SLC22A2: variants seen among roughly 807,000 people sequenced by gnomAD.
The protein encoded by SLC22A2 is solute carrier family 22 member 2, also known as organic cation transporter 2.
A neutral mutation model predicts 60.5 loss-of-function variants in SLC22A2; 46 were observed. That is an observed-to-expected ratio of 0.76 (90% confidence interval 0.60 to 0.97). The LOEUF (loss-of-function observed/expected upper bound fraction) is 0.97. SLC22A2 is among the 50% of genes least tolerant of loss of function. SLC22A2 has a pLI of 0.00. For synonymous variants in SLC22A2, 303 were observed against 267.0 expected, an observed-to-expected ratio of 1.13 and a Z score of -1.31; for missense variants, 701 against 706.6, an observed-to-expected ratio of 0.99 and a Z score of 0.09.
At chr6:160,242,261 C>T in intron 8 of SLC22A2, 33 bp downstream of exon 8, 1 of 1,138,246 alleles carries the variant, frequency 8.8e-7, no homozygotes, top group Non-Finnish European at 1.3e-6. Flanking sequence ...AATGTCTCAC[C>T]CACCCTCGTC....
chr6:160,251,803 T>C (rs1783190153), intron 2 of SLC22A2, among the ~76,000 whole-genome samples: 1 of 152,218 alleles, frequency 6.6e-6, no homozygotes, highest in Non-Finnish European at 1.5e-5. Flanking sequence ...CTAGTGAAGG[T>C]GTCAAATACT....
At chr6:160,253,799 A>G (rs1256533498) in intron 2 of SLC22A2, among the ~76,000 whole-genome samples, 4 of 152,174 alleles carry the variant, frequency 2.6e-5, no homozygotes, top group African/African-American at 9.7e-5. Context: ...CTGTATCTGC[A>G]TGGTGGAAAT....
At chr6:160,236,251 G>A (rs1562433907) in intron 9 of SLC22A2, among the ~76,000 whole-genome samples, 1 of 152,288 alleles carries the variant, frequency 6.6e-6, no homozygotes, top group East Asian at 1.9e-4. Flanking sequence ...TCAGGGAGAG[G>A]TGAAATGTTC....
rs746866034 is a variant in SLC22A2, at chr6:160,250,634, A to G, written c.587T>C (p.Ile196Thr). ...INAAAGVLMA[I>T]SPTYTWMLIF... is the part of the protein sequence containing the mutation. ...TAACATCCACGTATAGGTTGGGGAA[A>G]TGGCCATGAGAACTCCAGCTGCAGC... The change falls in exon 3 of 11, where the codon ATT (isoleucine) becomes ACT (threonine). Residue 196 changes from isoleucine (I) to threonine (T), a missense_variant. Ile to Thr is a moderately conservative substitution (Grantham distance 89, BLOSUM62 -1). Transcript: ENST00000366953. 6.2e-7 allele frequency: 1 copy of G among 1,614,126 alleles called. No homozygotes were observed. Among genetic ancestry groups the G allele is most frequent in the South Asian group, 1.1e-5 (1 of 91,086 alleles).
chr6:160,226,505 T>A (rs933296047), intron 9 of SLC22A2, among the ~76,000 whole-genome samples: 5 of 152,312 alleles, frequency 3.3e-5, no homozygotes, highest in East Asian at 3.9e-4. Flanking sequence ...GTTCAAACCA[T>A]GTTCAAATAA....
intron 9 of SLC22A2, among the ~76,000 whole-genome samples, chr6:160,227,883 C>G (rs1782748599): frequency 6.6e-6 from 1 of 152,202 alleles, no homozygotes; most frequent in South Asian, 2.1e-4. Flanking sequence ...TGAGAGGGAC[C>G]TCTGGTCGTC....
chr6:160,258,293 A>G (rs1441602356), intron 1 of SLC22A2, 51 bp downstream of exon 1: 3 of 1,535,428 alleles, frequency 2.0e-6, no homozygotes, highest in South Asian at 1.3e-5. Flanking sequence ...CTTCCTTGAG[A>G]AAATCTCCAC....
chr6:160,245,628 A>AC (rs11422119), intron 5 of SLC22A2, 83 bp from the exon 6 acceptor site: 540,713 of 716,758 alleles, frequency 0.75, 210,032 homozygotes, highest in Admixed American at 0.85. Flanking sequence ...ATAATTTCTT[A>AC]CCGTCCTGAG....
chr6:160,256,812 A>T, intron 1 of SLC22A2, 95 bp from the exon 2 acceptor site: 1 of 810,898 alleles, frequency 1.2e-6, no homozygotes, highest in Non-Finnish European at 2.1e-6. Context: ...GGTACTCATT[A>T]AATATTCCTT....
intron 9 of SLC22A2, among the ~76,000 whole-genome samples, chr6:160,236,505 G>A (rs140261552): frequency 6.4e-4 from 98 of 152,268 alleles, no homozygotes; most frequent in African/African-American, 2.3e-3. Context: ...AAAATTATTT[G>A]TGAGTACTCT....
intron 6 of SLC22A2, 36 bp downstream of exon 6, chr6:160,245,403 A>T (rs770031920): frequency 7.6e-6 from 9 of 1,192,018 alleles, no homozygotes; most frequent in Non-Finnish European, 1.1e-5. Flanking sequence ...GATTAAAACA[A>T]TTTGGAGGCA....
chr6:160,218,082 G>C (rs1562428227), intron 10 of SLC22A2: 1 of 187,846 alleles, frequency 5.3e-6, no homozygotes, highest in Admixed American at 5.4e-5. Flanking sequence ...TATTGAATCA[G>C]CTGTGGGCTG....
rs563088398 is a variant in SLC22A2, at chr6:160,217,477, C to G, written c.1623G>C (p.Lys541Asn). Residue 541 changes from lysine (K) to asparagine (N), a missense_variant, in exon 11 of 11, where the codon AAG becomes AAC. Transcript: ENST00000366953. ...GTTTCTGAACTTGGAGGTAAATCAT[C>G]TTTTCTTTATTTTTTCTTGGTCTGC... Reference protein sequence around the residue: ...NMQRPRKNKEKMIYLQVQKLD... With the variant: ...NMQRPRKNKENMIYLQVQKLD... 1.7e-5 allele frequency: 27 copies of G among 1,596,414 alleles called. No homozygotes were observed. Among genetic ancestry groups the G allele is most frequent in the Non-Finnish European group, 2.1e-5 (25 of 1,164,700 alleles).
At chr6:160,253,115 T>A (rs935621603) in intron 2 of SLC22A2, among the ~76,000 whole-genome samples, 1 of 152,224 alleles carries the variant, frequency 6.6e-6, no homozygotes, top group African/African-American at 2.4e-5. Context: ...GCTGGTGTTG[T>A]TAAATAGCCA....
chr6:160,220,472 T>C (rs1406286507), intron 10 of SLC22A2, among the ~76,000 whole-genome samples: 1 of 152,204 alleles, frequency 6.6e-6, no homozygotes, highest in African/African-American at 2.4e-5. Context: ...CCCATTAACG[T>C]TCATATTTTG....
intron 8 of SLC22A2, among the ~76,000 whole-genome samples, chr6:160,241,874 ATT>A (rs970182833): frequency 1.1e-4 from 5 of 44,650 alleles, no homozygotes; most frequent in African/African-American, 2.7e-4. Flanking sequence ...AATGCACAAT[ATT>A]TTATATATAT....
intron 2 of SLC22A2, among the ~76,000 whole-genome samples, chr6:160,252,593 G>T (rs1783206337): frequency 6.6e-6 from 1 of 152,240 alleles, no homozygotes; most frequent in Middle Eastern, 3.4e-3. Context: ...GGACAGGAAG[G>T]GTGGACTCCC....
At position 160,243,653 on chromosome 6, in the gene SLC22A2, G is replaced by T. The variant is rs8177516; in HGVS notation, c.1198C>A (p.Arg400Ser). 1.3e-4 allele frequency: 213 copies of T among 1,613,968 alleles called. 1 individual carries two copies. The highest frequency in any genetic ancestry group is 9.9e-4 in the Middle Eastern group (6 of 6,062). The change falls in exon 7 of 11, where the codon CGC becomes AGC. Residue 400 changes from arginine (R) to serine (S), a missense_variant. Physicochemically the swap from Arg to Ser is moderately radical, Grantham distance 110 (BLOSUM62 -1). Coordinates refer to ENST00000366953, the MANE Select transcript of SLC22A2 (RefSeq NM_003058.4). Reference sequence around the variant, plus strand: ...GCCCAAGGGTAACGGCGTCCGATGCGGTCGATGGTGAGGATGATCATGAAG... The same window carrying T: ...GCCCAAGGGTAACGGCGTCCGATGCTGTCGATGGTGAGGATGATCATGAAG... ...AAFMIILTID[R>S]IGRRYPWAAS...
chr6:160,224,512 A>G (rs1230015445), intron 10 of SLC22A2, among the ~76,000 whole-genome samples, 193 bp downstream of exon 10: 1 of 152,182 alleles, frequency 6.6e-6, no homozygotes, highest in East Asian at 1.9e-4. Context: ...TCCACGTGAA[A>G]GTTTAAAGAA....
Sources: gnomAD v4.1 joint callset for allele counts (sites outside exome capture counted in the v4.1 genomes callset) on GRCh38, gnomAD v4.1.1 for gene constraint, MANE v1.5 for transcripts, NCBI Gene and HGNC (gene_info 2026-07-23, HGNC 2026-07-21) for gene names.